The following CRLF2 variants were observed in gnomAD, a reference collection of about 807,000 sequenced individuals.
CRLF2 encodes the protein cytokine receptor-like factor 2.
CRLF2 carries 41 observed loss-of-function variants against 38.7 expected under a neutral mutation model. That is an observed-to-expected ratio of 1.06 (90% CI 0.83 to 1.37). The LOEUF (loss-of-function observed/expected upper bound fraction) is 1.37. CRLF2 is among the 40% of genes most tolerant of loss of function. The probability of loss-of-function intolerance (pLI) is 0.00; values close to 1 mark genes in which losing one functional copy is unlikely to be tolerated. For synonymous variants in CRLF2, 140 were observed against 128.8 expected (o/e 1.09, Z -0.59); for missense variants, 377 against 322.2 (o/e 1.17, Z -1.30).
intron 1 of CRLF2, 123 bp downstream of exon 1, chrX:1,212,433 A>G (rs2086820745): frequency 4.6e-6 from 3 of 645,678 alleles, no homozygotes; most frequent in East Asian, 2.9e-5. Context: ...AAAAAAAAAA[A>G]AAAAAGAAAA....
At chrX:1,202,632 C>A in intron 3 of CRLF2, 97 bp from the exon 4 acceptor site, 1 of 1,328,292 alleles carries the variant, frequency 7.5e-7, no homozygotes, top group Admixed American at 2.1e-5. Context: ...CCCCTCCTCC[C>A]CTTAATACCT....
intron 7 of CRLF2, among the ~76,000 whole-genome samples, chrX:1,192,032 C>T (rs1187690210): frequency 1.2e-4 from 17 of 144,330 alleles, no homozygotes; most frequent in East Asian, 4.5e-4. Context: ...GGTGAAACCC[C>T]ATCTCTACGA....
intron 5 of CRLF2, among the ~76,000 whole-genome samples, chrX:1,197,380 C>T (rs2086502160): frequency 6.6e-6 from 1 of 151,700 alleles, no homozygotes; most frequent in Admixed American, 6.6e-5. Flanking sequence ...GACAACAACA[C>T]ATCCCACAGC....
intron 2 of CRLF2, 104 bp from the exon 3 acceptor site, chrX:1,206,703 C>T (rs2086697408): frequency 3.6e-6 from 4 of 1,099,982 alleles, no homozygotes; most frequent in Admixed American, 2.1e-5. Flanking sequence ...AGTGCAATGG[C>T]GCGATCTCAG....
chrX:1,212,093 G>A (rs1409862451), intron 1 of CRLF2, among the ~76,000 whole-genome samples: 1 of 151,724 alleles, frequency 6.6e-6, no homozygotes, highest in African/African-American at 2.4e-5. Context: ...TGGATGAATC[G>A]TTTGATAGAT....
In CRLF2 at chrX:1,190,606, T is replaced by C; in HGVS notation, c.*291A>G. On this transcript the variant is annotated 3_prime_UTR_variant, in exon 8 of 8. Transcript: ENST00000400841. ...TTTACAGCATTTTGGACGTGCTGCC[T>C]TGGGGTTTATGTGACAACGTTCAGG... The C allele has an allele frequency of 2.7e-6, 1 of 373,954 alleles. No individual in the cohort carries two copies. The highest frequency in any genetic ancestry group is 3.9e-5 in the East Asian group (1 of 25,916). The allele number at this position is 373,954 out of a possible 1,614,324, so 23.2% of individuals were successfully genotyped here.
intron 7 of CRLF2, among the ~76,000 whole-genome samples, 189 bp downstream of exon 7, chrX:1,193,029 T>G (rs1468872264): frequency 3.8e-4 from 57 of 151,630 alleles, no homozygotes; most frequent in African/African-American, 1.4e-3. Context: ...GCCAGGCTGG[T>G]CTCGAACTCC....
intron 7 of CRLF2, among the ~76,000 whole-genome samples, chrX:1,192,489 G>A (rs1361508397): frequency 3.3e-5 from 5 of 151,900 alleles, no homozygotes; most frequent in South Asian, 2.1e-4. Context: ...GGTGGCGGGC[G>A]CCTGTCATCC....
At chrX:1,192,692 T>TCTTTC (rs1491561781) in intron 7 of CRLF2, among the ~76,000 whole-genome samples, 5 of 150,122 alleles carry the variant, frequency 3.3e-5, no homozygotes, top group Middle Eastern at 3.4e-3. Flanking sequence ...TTTCTCTTTC[T>TCTTTC]TTTTCTTTTC....
chrX:1,193,796 A>T (rs1348101439), intron 6 of CRLF2, among the ~76,000 whole-genome samples: 2 of 150,174 alleles, frequency 1.3e-5, no homozygotes, highest in Non-Finnish European at 3.0e-5. Flanking sequence ...AAAAAAAAAA[A>T]AAAAAAATAC....
intron 2 of CRLF2, among the ~76,000 whole-genome samples, chrX:1,207,772 C>T (rs2086719014): frequency 6.6e-6 from 1 of 151,518 alleles, no homozygotes; most frequent in African/African-American, 2.4e-5. Context: ...GCCTCAGCCT[C>T]CTGAGTAGCT....
intron 4 of CRLF2, among the ~76,000 whole-genome samples, chrX:1,200,205 G>A (rs536961482): frequency 4.6e-5 from 7 of 151,238 alleles, no homozygotes; most frequent in Non-Finnish European, 7.4e-5. Context: ...ATGTGTGTAT[G>A]TGTGTGTATA....
intron 7 of CRLF2, among the ~76,000 whole-genome samples, 186 bp from the exon 8 acceptor site, chrX:1,191,346 C>CTTTCTTTCTT (rs1491422134): frequency 8.9e-5 from 4 of 44,700 alleles, no homozygotes; most frequent in Admixed American, 2.4e-4. Context: ...TCTTTCTTTC[C>CTTTCTTTCTT]TTCTTTCTTT....
Position 1,192,129 on chromosome X carries a change from C to T in CRLF2, c.853-969G>A, listed in dbSNP as rs1275466047. ...CTGAGGCAGGAGAATGGCGTGAACCCGGGAGGTGGAGCTTGCAGTGAGCCG... is the reference window on the plus strand; with the variant it reads ...CTGAGGCAGGAGAATGGCGTGAACCTGGGAGGTGGAGCTTGCAGTGAGCCG... On this transcript the variant is annotated intron_variant, in intron 7 of 7. Transcript: ENST00000400841. Among the ~76,000 whole-genome samples the T allele has an allele frequency of 1.8e-4, 25 of 135,460 alleles. No individual in the cohort carries two copies. In the East Asian group the frequency reaches 2.7e-3, roughly 15 times the overall value. 88.9% of individuals were successfully genotyped at this position (135,460 alleles called of 152,430 possible).
At position 1,202,534 on chromosome X, in the gene CRLF2, C is replaced by T. The variant is rs201965413; in HGVS notation, c.351G>A (p.Leu117=). Residue 117 remains leucine (L), a splice_region_variant and synonymous_variant, in exon 4 of 8, where the codon CTG becomes CTA. Transcript: ENST00000400841. ...FTASRWMVYY[L]KPSSPKHVRF... ...TCACGTGCTTCGGGGAACTGGGTTTCACTGAGAAGAAGAAATAACGGAAGC... is the reference window on the plus strand; with the variant it reads ...TCACGTGCTTCGGGGAACTGGGTTTTACTGAGAAGAAGAAATAACGGAAGC... 108 of 1,613,594 alleles carry T rather than the reference C, an allele frequency of 6.7e-5. No individual in the cohort carries two copies. Among genetic ancestry groups the T allele is most frequent in the Middle Eastern group, 1.6e-4 (1 of 6,078 alleles).
intron 7 of CRLF2, 135 bp from the exon 8 acceptor site, chrX:1,191,295 C>CTTTCTT (rs1556415440): frequency 4.5e-5 from 15 of 331,228 alleles, no homozygotes; most frequent in Admixed American, 2.5e-4. Flanking sequence ...CTTTTCTTTT[C>CTTTCTT]TCTTTCTTTC....
intron 3 of CRLF2, among the ~76,000 whole-genome samples, chrX:1,206,141 C>G (rs2086687590): frequency 2.0e-5 from 3 of 151,710 alleles, no homozygotes; most frequent in African/African-American, 7.3e-5. Context: ...CGACGATTTA[C>G]GTGAGCTTTT....
At chrX:1,195,409 T>C (rs1273507942) in intron 6 of CRLF2, among the ~76,000 whole-genome samples, 59,174 of 151,452 alleles carry the variant, frequency 0.39, 12,293 homozygotes, top group East Asian at 0.65. Context: ...CCTGGACTTC[T>C]TTAGCTTTCT....
chrX:1,208,916 C>CAG lies in CRLF2; in HGVS notation c.80-10_80-9dup, dbSNP rs754260864. ...GAATCTGTACTCCTTCTGCTAGACA[C>CAG]AGAGAGACGCATGAAGTTCACGGTG... On this transcript the variant is annotated splice_polypyrimidine_tract_variant and intron_variant, in intron 1 of 7. Coordinates refer to ENST00000400841, the MANE Select transcript of CRLF2 (RefSeq NM_022148.4). 2.0e-6 allele frequency: 3 copies of CAG among 1,474,942 alleles called. No homozygotes were observed. The Admixed American group carries it at 5.1e-5, about 25-fold the overall frequency. The allele number at this position is 1,474,942 out of a possible 1,614,324, so 91.4% of individuals were successfully genotyped here.
Sources: gnomAD v4.1 joint callset for allele counts (sites outside exome capture counted in the v4.1 genomes callset) on GRCh38, gnomAD v4.1.1 for gene constraint, MANE v1.5 for transcripts, NCBI Gene and HGNC (gene_info 2026-07-23, HGNC 2026-07-21) for gene names.